NELL2: variants seen among roughly 807,000 people sequenced by gnomAD.
NELL2 encodes protein kinase C-binding protein NELL2.
NELL2 carries 41 observed loss-of-function variants against 109.6 expected under a neutral mutation model. That is an observed-to-expected ratio of 0.37 (90% CI 0.29 to 0.49). The LOEUF is 0.49. Ranked by LOEUF, NELL2 falls within the 20% of genes least tolerant of loss-of-function variation. The pLI is 0.98. For missense variants in NELL2, 900 were observed against 1,008.3 expected (o/e 0.89, Z 1.45); for synonymous variants, 355 against 344.7 (o/e 1.03, Z -0.33).
At chr12:44,901,162 T>C (rs1444213197) in intron 1 of NELL2, among the ~76,000 whole-genome samples, 1 of 151,632 alleles carries the variant, frequency 6.6e-6, no homozygotes, top group Non-Finnish European at 1.5e-5. Flanking sequence ...GCCAGATTAA[T>C]AAAGAAGAAA....
chr12:44,686,202 C>T (rs1404946987), intron 12 of NELL2, among the ~76,000 whole-genome samples: 1 of 152,206 alleles, frequency 6.6e-6, no homozygotes, highest in Non-Finnish European at 1.5e-5. Context: ...TCCAGTTGAT[C>T]ACATCGGCTC....
At chr12:44,683,626 T>C (rs946594480) in intron 12 of NELL2, among the ~76,000 whole-genome samples, 1 of 152,092 alleles carries the variant, frequency 6.6e-6, no homozygotes, top group African/African-American at 2.4e-5. Flanking sequence ...GTTTTTAGCA[T>C]GAAGGGTTGC....
At chr12:44,854,121 CTATTTGGCAT>C (rs1288553428) in intron 2 of NELL2, among the ~76,000 whole-genome samples, 3 of 152,102 alleles carry the variant, frequency 2.0e-5, no homozygotes, top group Non-Finnish European at 4.4e-5. Flanking sequence ...AATACTTAAC[CTATTTGGCAT>C]TTTTTCTGGG....
At chr12:44,532,549 T>A in intron 16 of NELL2, 32 bp downstream of exon 16, 1 of 1,596,114 alleles carries the variant, frequency 6.3e-7, no homozygotes, top group Non-Finnish European at 8.5e-7. Flanking sequence ...CAAGAGAAGT[T>A]CTTAAATTCT....
At chr12:44,722,623 GCTTCA>G (rs1938841382) in intron 9 of NELL2, among the ~76,000 whole-genome samples, 1 of 152,188 alleles carries the variant, frequency 6.6e-6, no homozygotes, top group Non-Finnish European at 1.5e-5. Flanking sequence ...AAATGGAAAT[GCTTCA>G]CACAGAGGAG....
At chr12:44,729,679 G>A (rs2136470354) in intron 9 of NELL2, among the ~76,000 whole-genome samples, 1 of 149,838 alleles carries the variant, frequency 6.7e-6, no homozygotes, top group East Asian at 1.9e-4. Flanking sequence ...TCATGCAAAT[G>A]ATAACCAAAA....
chr12:44,806,363 T>G (rs557694235), intron 3 of NELL2, among the ~76,000 whole-genome samples: 76 of 151,974 alleles, frequency 5.0e-4, no homozygotes, highest in African/African-American at 1.8e-3. Flanking sequence ...AGTAGTTAAG[T>G]AGGCACTCTG....
intron 15 of NELL2, among the ~76,000 whole-genome samples, chr12:44,571,146 G>A (rs1005303409): frequency 3.9e-5 from 6 of 152,146 alleles, no homozygotes; most frequent in Admixed American, 6.6e-5. Context: ...AGCAGTGAGA[G>A]GAAAATCTAC....
At chr12:44,723,401 T>G (rs1051514297) in intron 9 of NELL2, among the ~76,000 whole-genome samples, 1 of 152,154 alleles carries the variant, frequency 6.6e-6, no homozygotes, top group African/African-American at 2.4e-5. Flanking sequence ...AGCCTTTTTA[T>G]CCTATGTTAT....
At chr12:44,534,052 G>A (rs529813672) in intron 15 of NELL2, among the ~76,000 whole-genome samples, 1 of 152,156 alleles carries the variant, frequency 6.6e-6, no homozygotes, top group Admixed American at 6.5e-5. Context: ...TTCCCCTTCA[G>A]ACAGACTACT....
intron 13 of NELL2, among the ~76,000 whole-genome samples, chr12:44,619,430 A>C (rs1945961893): frequency 6.6e-6 from 1 of 152,204 alleles, no homozygotes; most frequent in African/African-American, 2.4e-5. Flanking sequence ...ATCTAACAGT[A>C]ATGTGTAGAT....
At chr12:44,883,259 G>C (rs987099217) in intron 1 of NELL2, among the ~76,000 whole-genome samples, 1 of 151,950 alleles carries the variant, frequency 6.6e-6, no homozygotes, top group African/African-American at 2.4e-5. Flanking sequence ...CTCTAGGGAA[G>C]AATCTATTTC....
In NELL2 at chr12:44,601,679, T is replaced by G. The variant is rs143529959; in HGVS notation, c.1663+5490A>C. Among the ~76,000 whole-genome samples, 142 of 152,258 alleles carry G rather than the reference T, an allele frequency of 9.3e-4. 1 individual carries two copies. The highest frequency in any genetic ancestry group is 3.5e-3 in the East Asian group (18 of 5,174). On this transcript the variant is annotated intron_variant, in intron 15 of 19. Coordinates refer to ENST00000429094, the MANE Select transcript of NELL2 (RefSeq NM_001145108.2). Reference sequence around the variant, plus strand: ...ACAGTTCAACTTAAAATTTACAAAATCATCATATCAGGTGTCATTTACTGA... The same window carrying G: ...ACAGTTCAACTTAAAATTTACAAAAGCATCATATCAGGTGTCATTTACTGA...
chr12:44,718,359 C>G (rs2136449294), intron 9 of NELL2, among the ~76,000 whole-genome samples: 1 of 152,298 alleles, frequency 6.6e-6, no homozygotes, highest in African/African-American at 2.4e-5. Flanking sequence ...TAACCTCTCC[C>G]CAGTAGAGTA....
chr12:44,866,837 T>C (rs1243795254), intron 2 of NELL2, among the ~76,000 whole-genome samples: 1 of 152,176 alleles, frequency 6.6e-6, no homozygotes, highest in African/African-American at 2.4e-5. Context: ...ATGAGACTAC[T>C]ATAAACAATT....
At chr12:44,899,708 G>A (rs1257612230) in intron 1 of NELL2, among the ~76,000 whole-genome samples, 1 of 152,042 alleles carries the variant, frequency 6.6e-6, no homozygotes, top group Non-Finnish European at 1.5e-5. Flanking sequence ...ATCAACTAAT[G>A]GGCAAAATAA....
rs574958799 is a variant in NELL2, at chr12:44,508,875, T to C, written c.*59A>G. ...CACCCAATTTAAGTTTTAACTTCTT[T>C]TTGGTCTTTTAATGAAAGAACATTC... On this transcript the variant is annotated 3_prime_UTR_variant, in exon 20 of 20. Transcript: ENST00000429094. 3 of 1,462,310 alleles carry C rather than the reference T, an allele frequency of 2.1e-6. No individual in the cohort carries two copies. Among genetic ancestry groups the C allele is most frequent in the African/African-American group, 2.8e-5 (2 of 70,742 alleles). 90.6% of individuals were successfully genotyped at this position (1,462,310 alleles called of 1,614,324 possible).
chr12:44,521,643 A>AT lies in NELL2; in HGVS notation c.2175+356dup, dbSNP rs558909908. ...AAAAGTTCTACTTGGAAAAAAGAGT[A>AT]TTTTTTTTATGAATGCCATTGTTCT... On this transcript the variant is annotated intron_variant, in intron 18 of 19. Transcript: ENST00000429094. 7.8e-4 allele frequency among the ~76,000 whole-genome samples: 119 copies of AT among 151,886 alleles called. 4 individuals carry two copies. In the South Asian group the frequency reaches 0.022, roughly 29 times the overall value.
At chr12:44,715,796 T>C (rs976891928) in intron 9 of NELL2, among the ~76,000 whole-genome samples, 1 of 152,142 alleles carries the variant, frequency 6.6e-6, no homozygotes, top group African/African-American at 2.4e-5. Flanking sequence ...ATTTTAACTA[T>C]ACAAATTATA....
Sources: gnomAD v4.1 joint callset for allele counts (sites outside exome capture counted in the v4.1 genomes callset) on GRCh38, gnomAD v4.1.1 for gene constraint, MANE v1.5 for transcripts, NCBI Gene and HGNC (gene_info 2026-07-23, HGNC 2026-07-21) for gene names.